The following PCDHAC1 variants were observed in gnomAD, a reference collection of about 807,000 sequenced individuals.
The protein encoded by PCDHAC1 is protocadherin alpha-C1.
PCDHAC1 carries 42 observed loss-of-function variants against 60.0 expected under a neutral mutation model. The observed-to-expected ratio is 0.70, with a 90% CI of 0.55 to 0.90. The LOEUF is 0.90. PCDHAC1 is among the 40% of genes least tolerant of loss of function. PCDHAC1 has a pLI of 0.00. For synonymous variants in PCDHAC1, 468 were observed against 499.3 expected, an observed-to-expected ratio of 0.94 and a Z score of 0.84; for missense variants, 1,160 against 1,222.3, an observed-to-expected ratio of 0.95 and a Z score of 0.76.
At chr5:140,992,471 A>G (rs1563581785) in intron 3 of PCDHAC1, among the ~76,000 whole-genome samples, 1 of 152,186 alleles carries the variant, frequency 6.6e-6, no homozygotes, top group Non-Finnish European at 1.5e-5. Context: ...TACTCTTTAG[A>G]TCACCCAGAG....
intron 1 of PCDHAC1, among the ~76,000 whole-genome samples, chr5:140,962,930 C>T (rs2095720492): frequency 6.6e-6 from 1 of 152,144 alleles, no homozygotes; most frequent in Admixed American, 6.5e-5. Context: ...TACTTCTCAA[C>T]CTCCTCTCCA....
intron 3 of PCDHAC1, 42 bp from the exon 4 acceptor site, chr5:141,009,585 T>C: frequency 6.3e-7 from 1 of 1,592,908 alleles, no homozygotes; most frequent in Non-Finnish European, 8.6e-7. Flanking sequence ...ATCAAGAGCA[T>C]GTGTTGACCC....
chr5:140,986,776 C>G (rs916981139), intron 3 of PCDHAC1, among the ~76,000 whole-genome samples: 5 of 152,098 alleles, frequency 3.3e-5, no homozygotes, highest in Non-Finnish European at 7.3e-5. Context: ...AATTAGGTAG[C>G]GGAAGCCACT....
At chr5:140,956,073 T>C (rs2095254120) in intron 1 of PCDHAC1, among the ~76,000 whole-genome samples, 1 of 152,208 alleles carries the variant, frequency 6.6e-6, no homozygotes, top group South Asian at 2.1e-4. Context: ...TTTCCAGATA[T>C]AGGATCATGT....
chr5:140,944,095 A>AT (rs2093609322), intron 1 of PCDHAC1, among the ~76,000 whole-genome samples: 1 of 152,250 alleles, frequency 6.6e-6, no homozygotes. Context: ...GAGTAAGTTT[A>AT]TATCTCATGG....
chr5:140,931,111 G>A (rs1584701423), intron 1 of PCDHAC1, among the ~76,000 whole-genome samples: 2 of 152,116 alleles, frequency 1.3e-5, no homozygotes, highest in East Asian at 3.8e-4. Flanking sequence ...TAATAGGTAT[G>A]CACATCATTA....
At position 140,934,119 on chromosome 5, in the gene PCDHAC1, C is replaced by A. The variant is rs1339301991; in HGVS notation, c.2433+4794C>A. Among the ~76,000 whole-genome samples, 6 of 152,170 alleles carry A rather than the reference C, an allele frequency of 3.9e-5. No individual in the cohort carries two copies. In the East Asian group the frequency reaches 1.2e-3, roughly 29 times the overall value. ...GCTTTCTATTTTATTAATTTTCATA[C>A]TTTATTAATTTATTTCCTTCCTTAT... On this transcript the variant is annotated intron_variant, in intron 1 of 3. Transcript: ENST00000253807.
At chr5:141,008,923 C>T (rs2098394604) in intron 3 of PCDHAC1, among the ~76,000 whole-genome samples, 1 of 152,160 alleles carries the variant, frequency 6.6e-6, no homozygotes. Flanking sequence ...ATTTATTCAG[C>T]TAATTTTTCT....
Position 140,979,012 on chromosome 5 carries a change from G to A in PCDHAC1, c.2492+5G>A, listed in dbSNP as rs2096831231. The A allele has an allele frequency of 1.9e-6, 3 of 1,613,794 alleles. No individual in the cohort carries two copies. Among genetic ancestry groups the A allele is most frequent in the African/African-American group, 2.7e-5 (2 of 74,926 alleles). ...CCTGAGAGCAGGCATGCACAGGTAT[G>A]TATTTCCCTCCTCATTCACTCAGAA... On this transcript the variant is annotated splice_donor_5th_base_variant and intron_variant, in intron 2 of 3. Coordinates refer to ENST00000253807, the MANE Select transcript of PCDHAC1 (RefSeq NM_018898.5).
chr5:141,010,136 CTCTT>C lies in PCDHAC1; in HGVS notation c.*203_*206del, dbSNP rs782073868. The C allele has an allele frequency of 1.9e-6, 3 of 1,594,824 alleles. No homozygotes were observed. Among genetic ancestry groups the C allele is most frequent in the Non-Finnish European group, 2.6e-6 (3 of 1,169,724 alleles). On this transcript the variant is annotated 3_prime_UTR_variant, in exon 4 of 4. Transcript: ENST00000253807. ...AAAGCTTTACTAAGTCTGGTGTTAACTCTTTCTCTCCACTCTGGCTTGTTTTCAG... is the reference window on the plus strand; with the variant it reads ...AAAGCTTTACTAAGTCTGGTGTTAACTCTCTCCACTCTGGCTTGTTTTCAG...
intron 1 of PCDHAC1, among the ~76,000 whole-genome samples, chr5:140,965,377 A>G (rs1479954226): frequency 6.6e-6 from 1 of 152,190 alleles, no homozygotes; most frequent in Non-Finnish European, 1.5e-5. Flanking sequence ...AAACTTGGGG[A>G]CACAGAAGAA....
chr5:140,934,915 A>G (rs1324840546), intron 1 of PCDHAC1, among the ~76,000 whole-genome samples: 3 of 152,132 alleles, frequency 2.0e-5, no homozygotes, highest in Non-Finnish European at 4.4e-5. Context: ...ATAATTATGG[A>G]TTCACATAAA....
At chr5:140,971,615 G>C (rs2096488487) in intron 1 of PCDHAC1, among the ~76,000 whole-genome samples, 1 of 152,030 alleles carries the variant, frequency 6.6e-6, no homozygotes, top group East Asian at 1.9e-4. Flanking sequence ...GGAGAGTCCT[G>C]GGGTACAATT....
At chr5:140,970,810 A>G (rs2096434442) in intron 1 of PCDHAC1, among the ~76,000 whole-genome samples, 1 of 152,138 alleles carries the variant, frequency 6.6e-6, no homozygotes. Flanking sequence ...TTACATTTCA[A>G]GTTCATGGTA....
At chr5:141,000,921 C>T (rs562554000) in intron 3 of PCDHAC1, among the ~76,000 whole-genome samples, 1 of 152,006 alleles carries the variant, frequency 6.6e-6, no homozygotes, top group Non-Finnish European at 1.5e-5. Flanking sequence ...AAAAAAAAAT[C>T]CTGTGTGATT....
intron 1 of PCDHAC1, among the ~76,000 whole-genome samples, chr5:140,960,813 A>C (rs1356756058): frequency 6.6e-6 from 1 of 152,202 alleles, no homozygotes; most frequent in Non-Finnish European, 1.5e-5. Context: ...AGAGGTCCCA[A>C]GTGATGAATG....
chr5:140,996,283 C>T (rs2097719869), intron 3 of PCDHAC1, among the ~76,000 whole-genome samples: 1 of 152,172 alleles, frequency 6.6e-6, no homozygotes, highest in African/African-American at 2.4e-5. Context: ...TGCCAAATTT[C>T]AAGAAGCACA....
chr5:140,951,863 C>T (rs991949987), intron 1 of PCDHAC1, among the ~76,000 whole-genome samples: 10 of 152,096 alleles, frequency 6.6e-5, no homozygotes, highest in Non-Finnish European at 7.3e-5. Flanking sequence ...TCCAAAGTCT[C>T]ATCTGAGACA....
At position 140,968,158 on chromosome 5, in the gene PCDHAC1, C is replaced by T. The variant is rs191279827; in HGVS notation, c.2434-10791C>T. The T allele has an allele frequency of 3.7e-6, 6 of 1,614,124 alleles. No individual in the cohort carries two copies. The African/African-American group carries it at 4.0e-5, about 11-fold the overall frequency. On this transcript the variant is annotated intron_variant, in intron 1 of 3. Transcript: ENST00000253807. ...AGGTTGAGATCTCTGACATCAATGA[C>T]AATCCACCAAGCTTCCTGGAGGACT...
Sources: allele counts gnomAD v4.1 joint callset (sites outside exome capture counted in the v4.1 genomes callset), GRCh38; gene constraint gnomAD v4.1.1; transcripts MANE v1.5; gene names NCBI Gene and HGNC (gene_info 2026-07-23, HGNC 2026-07-21).